KDM6A: variants seen among roughly 807,000 people sequenced by gnomAD.
KDM6A encodes the protein lysine-specific demethylase 6A.
A neutral mutation model predicts 117.6 loss-of-function variants in KDM6A; 11 were observed. The ratio of observed to expected loss-of-function variants is 0.09; its 90% confidence interval spans 0.06 to 0.15. The LOEUF is 0.15. Among genes scored for constraint, KDM6A ranks in the 10% least tolerant of loss-of-function variants. The pLI is 1.00. For missense variants in KDM6A, 799 were observed against 1,077.3 expected (o/e 0.74, Z 3.62); for synonymous variants, 384 against 396.1 (o/e 0.97, Z 0.36).
chrX:44,990,553 CATAAATAA>C (rs373439965), intron 4 of KDM6A, among the ~76,000 whole-genome samples: 4,568 of 93,789 alleles, frequency 0.049, 99 homozygotes, highest in Middle Eastern at 0.089. Flanking sequence ...TGTCTCAAAA[CATAAATAA>C]ATAAATAAAT....
chrX:44,896,737 T>C (rs763555515), intron 2 of KDM6A, among the ~76,000 whole-genome samples: 1 of 109,530 alleles, frequency 9.1e-6, no homozygotes, highest in African/African-American at 3.3e-5. Flanking sequence ...TTCTGAAGAA[T>C]ATTTTGCTGT....
At chrX:44,963,440 AGTGTGTGTGTGT>A (rs747821170) in intron 3 of KDM6A, among the ~76,000 whole-genome samples, 120 of 69,880 alleles carry the variant, frequency 1.7e-3, no homozygotes, top group East Asian at 0.011. Context: ...AGGGTGACAG[AGTGTGTGTGTGT>A]GTGTGTGTGT....
In KDM6A at chrX:44,922,027, CCTTTT is replaced by C. The variant is rs1477304439; in HGVS notation, c.226-39256_226-39252del. On this transcript the variant is annotated intron_variant, in intron 2 of 29. Transcript: ENST00000611820. Reference sequence around the variant, plus strand: ...ATGCTGATAAAATTCATTGTGTGTGCCTTTTTTTTTTTTTTTTTTTTTTTTTTTTT... The same window carrying C: ...ATGCTGATAAAATTCATTGTGTGTGCTTTTTTTTTTTTTTTTTTTTTTTTT... Among the ~76,000 whole-genome samples, 118 of 37,709 alleles carry C rather than the reference CCTTTT, an allele frequency of 3.1e-3. 40 individuals carry two copies. The highest frequency in any genetic ancestry group is 0.014 in the African/African-American group (103 of 7,523). The allele number at this position is 37,709 out of a possible 115,157, so 32.7% of individuals were successfully genotyped here. A position where few individuals can be genotyped will look rare whatever the true frequency, so the allele number is the denominator to read the frequency against.
intron 15 of KDM6A, 57 bp downstream of exon 15, chrX:45,061,476 A>C (rs1206647476): frequency 2.1e-6 from 1 of 475,976 alleles, no homozygotes; most frequent in East Asian, 4.4e-5. Context: ...GTAGCAAACA[A>C]GTATTAATTT....
chrX:45,021,226 A>T (rs1181098297), intron 6 of KDM6A, among the ~76,000 whole-genome samples: 2 of 111,713 alleles, frequency 1.8e-5, no homozygotes, highest in African/African-American at 6.5e-5. Context: ...GTGAGCATAA[A>T]CGTTGTGGGA....
chrX:44,934,157 AAT>A (rs1192720505), intron 2 of KDM6A, among the ~76,000 whole-genome samples: 1 of 112,032 alleles, frequency 8.9e-6, no homozygotes, highest in Non-Finnish European at 1.9e-5. Context: ...TTACTTTTGA[AAT>A]ATATAATCTA....
intron 2 of KDM6A, among the ~76,000 whole-genome samples, chrX:44,877,167 C>T (rs774076964): frequency 1.3e-4 from 15 of 111,701 alleles, no homozygotes; most frequent in Admixed American, 2.9e-4. Context: ...GATTTCTCAT[C>T]GTCTCCCGAA....
intron 2 of KDM6A, among the ~76,000 whole-genome samples, chrX:44,887,010 C>A (rs1261985289): frequency 9.5e-6 from 1 of 105,621 alleles, no homozygotes; most frequent in African/African-American, 3.5e-5. Context: ...CCTTGGCTCA[C>A]TGCAGCCTCC....
intron 6 of KDM6A, among the ~76,000 whole-genome samples, chrX:45,030,820 A>T (rs1472807839): frequency 9.0e-6 from 1 of 110,816 alleles, no homozygotes; most frequent in African/African-American, 3.3e-5. Context: ...AGCGATTCTC[A>T]TGCCTCAGCC....
chrX:44,920,438 AT>A (rs1201427718), intron 2 of KDM6A, among the ~76,000 whole-genome samples: 1 of 106,249 alleles, frequency 9.4e-6, no homozygotes, highest in African/African-American at 3.5e-5. Context: ...TTTTACTTTT[AT>A]TTTATTTTTT....
intron 4 of KDM6A, among the ~76,000 whole-genome samples, chrX:44,977,163 A>G: frequency 9.0e-6 from 1 of 111,571 alleles, no homozygotes; most frequent in Non-Finnish European, 1.9e-5. Context: ...GGTCATGAAG[A>G]CTTACTCCAT....
intron 15 of KDM6A, 133 bp downstream of exon 15, chrX:45,061,552 C>A (rs1329581136): frequency 2.9e-6 from 1 of 344,768 alleles, no homozygotes; most frequent in African/African-American, 3.4e-5. Flanking sequence ...AGTATAGTGG[C>A]ACGCTCTTGG....
intron 18 of KDM6A, among the ~76,000 whole-genome samples, chrX:45,073,717 GTTGT>G (rs1244167718): frequency 1.8e-5 from 2 of 111,904 alleles, no homozygotes; most frequent in Non-Finnish European, 3.8e-5. Flanking sequence ...TTTGGATGGG[GTTGT>G]TTGTTTTTTT....
chrX:44,915,488 A>G lies in KDM6A; in HGVS notation c.225+41501A>G, dbSNP rs773857576. On this transcript the variant is annotated intron_variant, in intron 2 of 29. Transcript: ENST00000611820. ...ATGAAAAAACCTTTTATCGTAGAAG[A>G]GCGGTATAGCTAATCTGCTTTGTAA... Among the ~76,000 whole-genome samples the G allele has an allele frequency of 3.6e-5, 4 of 112,136 alleles. 1 individual carries two copies. The South Asian group carries it at 1.5e-3, about 41-fold the overall frequency.
chrX:45,082,536 G>T (rs1177897711), intron 21 of KDM6A, 40 bp from the exon 22 acceptor site: 1 of 932,398 alleles, frequency 1.1e-6, no homozygotes, highest in Non-Finnish European at 1.6e-6. Context: ...ATTGCCAGTT[G>T]TAGAACACTA....
chrX:44,965,431 A>G (rs2038958583), intron 3 of KDM6A, among the ~76,000 whole-genome samples: 1 of 112,038 alleles, frequency 8.9e-6, no homozygotes, highest in Non-Finnish European at 1.9e-5. Context: ...AATGATTTCT[A>G]GCTTTGGATT....
In KDM6A at chrX:45,046,230, A is replaced by C. The variant is rs2043532216; in HGVS notation, c.655-5479A>C. On this transcript the variant is annotated intron_variant, in intron 8 of 29. Coordinates refer to ENST00000611820, the MANE Select transcript of KDM6A (RefSeq NM_001291415.2). ...TATTATCACCATAGATTCTGAAAAA[A>C]TCTTTAAATTCAATACCCATTTCTA... Among the ~76,000 whole-genome samples the C allele has an allele frequency of 2.7e-5, 3 of 111,867 alleles. No homozygotes were observed. In the Admixed American group the frequency reaches 2.9e-4, roughly 11 times the overall value.
intron 27 of KDM6A, among the ~76,000 whole-genome samples, chrX:45,093,310 G>A (rs77084048): frequency 7.4e-5 from 8 of 107,785 alleles, no homozygotes; most frequent in African/African-American, 1.0e-4. Flanking sequence ...TGGGGCGGGG[G>A]GTTGCAGTGA....
chrX:44,924,735 C>T (rs2036206829), intron 2 of KDM6A, among the ~76,000 whole-genome samples: 1 of 109,234 alleles, frequency 9.2e-6, no homozygotes, highest in South Asian at 4.0e-4. Flanking sequence ...GCCCTGTTGG[C>T]TGGAGTGCAG....
Sources: gnomAD v4.1 joint callset for allele counts (sites outside exome capture counted in the v4.1 genomes callset) on GRCh38, gnomAD v4.1.1 for gene constraint, MANE v1.5 for transcripts, NCBI Gene and HGNC (gene_info 2026-07-23, HGNC 2026-07-21) for gene names.